Variants in CHST9 observed in about 807,000 individuals in gnomAD.
CHST9 encodes the protein GalNAc-4-sulfotransferase 2.
In CHST9, 41 loss-of-function variants were observed where a neutral mutation model predicts 44.4. That is an observed-to-expected ratio of 0.92 (90% CI 0.72 to 1.20). The LOEUF (loss-of-function observed/expected upper bound fraction) is 1.20, where lower values mean the gene tolerates loss of function less well. Ranked by LOEUF, CHST9 falls within the 50% of genes most tolerant of loss-of-function variation. The pLI, the probability that CHST9 is intolerant of heterozygous loss-of-function variation, is 0.00. For synonymous variants in CHST9, 171 were observed against 178.4 expected, an observed-to-expected ratio of 0.96 and a Z score of 0.33; for missense variants, 504 against 516.5, an observed-to-expected ratio of 0.98 and a Z score of 0.23.
At chr18:27,055,334 C>G (rs985601282) in intron 2 of CHST9, among the ~76,000 whole-genome samples, 1 of 152,022 alleles carries the variant, frequency 6.6e-6, no homozygotes, top group African/African-American at 2.4e-5. Context: ...GGAAAAAAAA[C>G]TCGCAATATT....
chr18:27,121,919 ACC>A (rs1311652347), intron 2 of CHST9, among the ~76,000 whole-genome samples: 5 of 152,212 alleles, frequency 3.3e-5, no homozygotes, highest in Middle Eastern at 3.4e-3. Context: ...GCCACTTAAA[ACC>A]CAGAGTTCTG....
intron 5 of CHST9, among the ~76,000 whole-genome samples, chr18:26,929,895 C>A (rs1034322274): frequency 2.6e-5 from 4 of 152,194 alleles, no homozygotes; most frequent in African/African-American, 9.6e-5. Flanking sequence ...GCAGCATATA[C>A]CTGCCCCCAA....
At position 26,991,823 on chromosome 18, in the gene CHST9, T is replaced by C. The variant is rs1018919696; in HGVS notation, c.202+32293A>G. Among the ~76,000 whole-genome samples the C allele has an allele frequency of 2.4e-5, 3 of 126,962 alleles. 1 individual carries two copies. The highest frequency in any genetic ancestry group is 8.0e-5 in the African/African-American group (3 of 37,610). The allele number at this position is 126,962 out of a possible 152,430, so 83.3% of individuals were successfully genotyped here. A position where few individuals can be genotyped will look rare whatever the true frequency, so the allele number is the denominator to read the frequency against. On this transcript the variant is annotated intron_variant, in intron 4 of 5. Transcript: ENST00000618847. ...ACTGGATCTAGTAATAGGGTGTTCA[T>C]TGATGGCCCAGAGCAGTTTTGTAAA...
chr18:26,933,766 G>A (rs371298937), intron 5 of CHST9: 3 of 153,512 alleles, frequency 2.0e-5, no homozygotes, highest in East Asian at 3.9e-4. Flanking sequence ...ACATTTATAT[G>A]GATGAAGATA....
At chr18:27,065,826 A>G (rs1345477043) in intron 2 of CHST9, among the ~76,000 whole-genome samples, 2 of 152,202 alleles carry the variant, frequency 1.3e-5, no homozygotes, top group Non-Finnish European at 2.9e-5. Context: ...GTTGGACCCC[A>G]TTCTATCAAT....
At chr18:26,971,614 A>G (rs780501650) in intron 4 of CHST9, among the ~76,000 whole-genome samples, 1 of 152,260 alleles carries the variant, frequency 6.6e-6, no homozygotes, top group African/African-American at 2.4e-5. Flanking sequence ...GCTTCCATCT[A>G]GAAAGGTGCA....
At chr18:26,923,645 T>C (rs929209792) in intron 5 of CHST9, among the ~76,000 whole-genome samples, 12 of 152,200 alleles carry the variant, frequency 7.9e-5, no homozygotes, top group Non-Finnish European at 1.3e-4. Flanking sequence ...TATATGGAAT[T>C]ACTACTGTAT....
At chr18:26,934,112 G>A (rs1439405558) in intron 5 of CHST9, among the ~76,000 whole-genome samples, 1 of 152,178 alleles carries the variant, frequency 6.6e-6, no homozygotes, top group African/African-American at 2.4e-5. Context: ...GGATGAAAGA[G>A]GAGGTCGGGA....
intron 2 of CHST9, among the ~76,000 whole-genome samples, chr18:27,058,401 A>T (rs772166040): frequency 7.9e-5 from 12 of 152,230 alleles, no homozygotes; most frequent in Non-Finnish European, 1.6e-4. Flanking sequence ...TAACACATTA[A>T]GAGTTAGAGT....
intron 4 of CHST9, among the ~76,000 whole-genome samples, chr18:26,953,728 G>A (rs1306847297): frequency 6.6e-6 from 1 of 152,154 alleles, no homozygotes; most frequent in African/African-American, 2.4e-5. Context: ...CAGGTGTCAT[G>A]TATGGATGGG....
intron 2 of CHST9, among the ~76,000 whole-genome samples, chr18:27,141,202 C>CA (rs963140532): frequency 1.1e-4 from 16 of 150,246 alleles, no homozygotes; most frequent in African/African-American, 2.0e-4. Flanking sequence ...ACTAAAAATT[C>CA]AAAAAAAAAG....
chr18:26,935,081 A>G (rs2055963219), intron 5 of CHST9: 2 of 152,240 alleles, frequency 1.3e-5, no homozygotes, highest in South Asian at 4.1e-4. Context: ...GATTAAAAGC[A>G]TATATCACTG....
At chr18:26,944,682 C>T (rs2056135878) in intron 4 of CHST9, among the ~76,000 whole-genome samples, 1 of 152,152 alleles carries the variant, frequency 6.6e-6, no homozygotes, top group Non-Finnish European at 1.5e-5. Flanking sequence ...ATTTGAACAA[C>T]AGCCAGTCAA....
chr18:26,997,837 T>A (rs1276502803), intron 4 of CHST9, among the ~76,000 whole-genome samples: 1 of 152,220 alleles, frequency 6.6e-6, no homozygotes, highest in Non-Finnish European at 1.5e-5. Context: ...TAATATAAAT[T>A]TCTGCCACAG....
At chr18:27,125,417 T>C (rs1168006426) in intron 2 of CHST9, among the ~76,000 whole-genome samples, 1 of 152,228 alleles carries the variant, frequency 6.6e-6, no homozygotes, top group Non-Finnish European at 1.5e-5. Context: ...CTGATGTTTT[T>C]CTTAAGAGTA....
intron 4 of CHST9, among the ~76,000 whole-genome samples, chr18:26,998,797 T>C (rs560902536): frequency 6.6e-6 from 1 of 151,878 alleles, no homozygotes; most frequent in South Asian, 2.1e-4. Context: ...TATTATGTCT[T>C]ACTGTTCTTT....
intron 4 of CHST9, among the ~76,000 whole-genome samples, chr18:27,015,323 TTGTGTGTG>T (rs10690815): frequency 0.1 from 14,636 of 146,414 alleles, 917 homozygotes; most frequent in East Asian, 0.3. Context: ...AGAGAGGCAG[TTGTGTGTG>T]TGTGTGTGTG....
Position 26,916,451 on chromosome 18 carries a change from AAAGT to A in CHST9, c.1136_1139del (p.Tyr379PhefsTer4). 1.9e-6 allele frequency: 3 copies of A among 1,613,750 alleles called. No individual in the cohort carries two copies. Among genetic ancestry groups the A allele is most frequent in the African/African-American group, 1.3e-5 (1 of 75,002 alleles). Reference sequence around the variant, plus strand: ...CCTTTGGAGCACCGATCATCTGTAAAAAGTAATTGGCATCTTCTTCCAAAGTCTC... The same window carrying A: ...CCTTTGGAGCACCGATCATCTGTAAAAATTGGCATCTTCTTCCAAAGTCTC... On this transcript the variant is annotated frameshift_variant, in exon 6 of 6. Transcript: ENST00000618847. LOFTEE classifies it high-confidence loss of function.
chr18:27,182,658 T>C (rs1598786479), intron 1 of CHST9, among the ~76,000 whole-genome samples: 1 of 152,278 alleles, frequency 6.6e-6, no homozygotes, highest in East Asian at 1.9e-4. Context: ...AAATGGGAAA[T>C]CTTTCTTGGA....
Sources: gnomAD v4.1 joint callset for allele counts (sites outside exome capture counted in the v4.1 genomes callset) on GRCh38, gnomAD v4.1.1 for gene constraint, MANE v1.5 for transcripts, NCBI Gene and HGNC (gene_info 2026-07-23, HGNC 2026-07-21) for gene names.